ARPC3: variants seen among roughly 807,000 people sequenced by gnomAD.
ARPC3 encodes the protein actin related protein 2/3 complex subunit 3.
A neutral mutation model predicts 27.6 loss-of-function variants in ARPC3; 12 were observed. The observed-to-expected ratio is 0.43, with a 90% CI of 0.28 to 0.70. The LOEUF (loss-of-function observed/expected upper bound fraction) is 0.70, where lower values mean the gene tolerates loss of function less well. Among genes scored for constraint, ARPC3 ranks in the 30% least tolerant of loss-of-function variants. The pLI, the probability that ARPC3 is intolerant of heterozygous loss-of-function variation, is 0.17. For missense variants in ARPC3, 153 were observed against 207.7 expected (o/e 0.74, Z 1.62); for synonymous variants, 53 against 67.2 (o/e 0.79, Z 1.03).
Position 110,436,645 on chromosome 12 carries a change from C to T in ARPC3, c.291G>A (p.Thr97=), listed in dbSNP as rs374261283. The change falls in exon 5 of 7, where the codon ACG becomes ACA. Residue 97 remains threonine (T), a synonymous_variant. Coordinates refer to ENST00000228825, the MANE Select transcript of ARPC3 (RefSeq NM_001278556.2). The stretch of plus-strand genomic sequence containing the variant: ...GAATGGGAAAATTAGTGATTCCCAG[C>T]GTATACATTTCTTTCTCACCTTGGC... ...SKSQGEKEMY[T]LGITNFPIPG... 73 of 1,587,160 alleles carry T rather than the reference C, an allele frequency of 4.6e-5. No individual in the cohort carries two copies. Among genetic ancestry groups the T allele is most frequent in the Non-Finnish European group, 5.5e-5 (64 of 1,165,580 alleles).
intron 3 of ARPC3, among the ~76,000 whole-genome samples, chr12:110,438,558 CAT>C (rs1199842684): frequency 6.6e-6 from 1 of 151,060 alleles, no homozygotes; most frequent in Non-Finnish European, 1.5e-5. Context: ...GAGATCACGC[CAT>C]TGCACTCCAG....
chr12:110,450,315 G>A lies in ARPC3; in HGVS notation c.-55C>T, dbSNP rs141812028. The stretch of plus-strand genomic sequence containing the variant: ...GAGCAGGATCCAGGTACAGCGGAGC[G>A]CTTCCGGTCTGGCAGCCTGGGCGAG... On this transcript the variant is annotated 5_prime_UTR_variant, in exon 1 of 7. Coordinates refer to ENST00000228825, the MANE Select transcript of ARPC3 (RefSeq NM_001278556.2). 1.2e-4 allele frequency: 187 copies of A among 1,612,956 alleles called. No homozygotes were observed. The African/African-American group carries it at 2.1e-3, about 18-fold the overall frequency.
chr12:110,448,652 CA>C (rs34460720), intron 1 of ARPC3, among the ~76,000 whole-genome samples: 1,298 of 114,978 alleles, frequency 0.011, 3 homozygotes, highest in Middle Eastern at 0.019. Context: ...CACCCTGTCT[CA>C]AAAAAAAAAA....
chr12:110,447,823 A>G (rs554972341), intron 1 of ARPC3, among the ~76,000 whole-genome samples: 1 of 147,652 alleles, frequency 6.8e-6, no homozygotes, highest in East Asian at 2.0e-4. Context: ...AACAAACAAA[A>G]CCCAACAGAG....
intron 3 of ARPC3, 124 bp downstream of exon 3, chr12:110,440,187 TG>T (rs2062427960): frequency 1.4e-6 from 1 of 720,064 alleles, no homozygotes; most frequent in East Asian, 2.7e-5. Flanking sequence ...CATTAAGCAC[TG>T]CTCTCGAATT....
intron 3 of ARPC3, among the ~76,000 whole-genome samples, chr12:110,438,047 G>A (rs772899601): frequency 1.6e-4 from 24 of 152,092 alleles, no homozygotes; most frequent in Non-Finnish European, 2.5e-4. Context: ...TGTAATCCCA[G>A]CACTTTGGGA....
rs568220801 is a variant in ARPC3 at position 110,445,970 on chromosome 12, G to A, written c.7-419C>T. ...ATATAAAAAATTAGCCAGGCGTGGCGGCGTGCGCCTGTAGTCCCAGCCATG... is the reference window on the plus strand; with the variant it reads ...ATATAAAAAATTAGCCAGGCGTGGCAGCGTGCGCCTGTAGTCCCAGCCATG... On this transcript the variant is annotated intron_variant, in intron 1 of 6. Transcript: ENST00000228825. Among the ~76,000 whole-genome samples, 4 of 151,976 alleles carry A rather than the reference G, an allele frequency of 2.6e-5. No homozygotes were observed. In the South Asian group the frequency reaches 8.3e-4, roughly 32 times the overall value.
chr12:110,436,635 T>A lies in ARPC3; in HGVS notation c.301A>T (p.Thr101Ser). 1 of 1,612,248 alleles carries A rather than the reference T, an allele frequency of 6.2e-7. No individual in the cohort carries two copies. Among genetic ancestry groups the A allele is most frequent in the Non-Finnish European group, 8.5e-7 (1 of 1,179,636 alleles). The change falls in exon 5 of 7, where the codon ACT becomes TCT. Residue 101 changes from threonine to serine, a missense_variant. Thr to Ser is a moderately conservative substitution (Grantham distance 58). Coordinates refer to ENST00000228825, the MANE Select transcript of ARPC3 (RefSeq NM_001278556.2). Reference sequence around the variant, plus strand: ...GGCTCTCCAGGAATGGGAAAATTAGTGATTCCCAGCGTATACATTTCTTTC... The same window carrying A: ...GGCTCTCCAGGAATGGGAAAATTAGAGATTCCCAGCGTATACATTTCTTTC... ...GEKEMYTLGI[T>S]NFPIPGEPGF...
chr12:110,444,124 C>T (rs2062452262), intron 2 of ARPC3, among the ~76,000 whole-genome samples: 2 of 151,912 alleles, frequency 1.3e-5, no homozygotes, highest in Admixed American at 1.3e-4. Context: ...CATGCGCCAC[C>T]ATGCCCGGCT....
At chr12:110,440,556 T>G (rs2062429723) in intron 2 of ARPC3, 168 bp from the exon 3 acceptor site, 2 of 607,688 alleles carry the variant, frequency 3.3e-6, no homozygotes, top group Admixed American at 2.8e-5. Context: ...ATTTATTTGT[T>G]TTTTTTTTGA....
chr12:110,437,256 G>A (rs2062411609), intron 3 of ARPC3, 104 bp from the exon 4 acceptor site: 2 of 804,684 alleles, frequency 2.5e-6, no homozygotes, highest in East Asian at 2.5e-5. Context: ...TGAATGCAGT[G>A]GTAGGACAGC....
At chr12:110,435,263 A>T in intron 6 of ARPC3, 46 bp from the exon 7 acceptor site, 6 of 1,392,802 alleles carry the variant, frequency 4.3e-6, no homozygotes, top group Non-Finnish European at 6.1e-6. Context: ...GTCAAATTAC[A>T]ATAGAATTTG....
At chr12:110,448,316 G>A (rs1004334264) in intron 1 of ARPC3, among the ~76,000 whole-genome samples, 5 of 152,104 alleles carry the variant, frequency 3.3e-5, no homozygotes, top group Non-Finnish European at 5.9e-5. Context: ...AGGATTAGAT[G>A]GGATAATTTA....
intron 2 of ARPC3, chr12:110,442,665 A>G (rs2062444388): frequency 6.6e-6 from 1 of 151,878 alleles, no homozygotes; most frequent in Non-Finnish European, 1.5e-5. Flanking sequence ...ATTCAATATA[A>G]TTTTATTTGA....
At chr12:110,445,909 G>A (rs1191119715) in intron 1 of ARPC3, among the ~76,000 whole-genome samples, 1 of 152,056 alleles carries the variant, frequency 6.6e-6, no homozygotes, top group Non-Finnish European at 1.5e-5. Context: ...TTTGCAACCA[G>A]CCTGGGCAAC....
intron 3 of ARPC3, among the ~76,000 whole-genome samples, chr12:110,438,336 A>G (rs1345618141): frequency 6.7e-6 from 1 of 148,840 alleles, no homozygotes; most frequent in African/African-American, 2.5e-5. Context: ...GCGGTGGCCC[A>G]CACCTGTAAT....
intron 2 of ARPC3, among the ~76,000 whole-genome samples, chr12:110,441,237 A>G (rs1280346358): frequency 6.6e-6 from 1 of 151,268 alleles, no homozygotes. Context: ...GGTTCAAGCG[A>G]TTCTCCTGCC....
chr12:110,446,906 A>G (rs1163752898), intron 1 of ARPC3, among the ~76,000 whole-genome samples: 1 of 152,142 alleles, frequency 6.6e-6, no homozygotes, highest in African/African-American at 2.4e-5. Flanking sequence ...TGCACCCGGC[A>G]ATAACCTAAT....
chr12:110,438,928 C>T (rs929119970), intron 3 of ARPC3, among the ~76,000 whole-genome samples: 1 of 151,938 alleles, frequency 6.6e-6, no homozygotes, highest in Non-Finnish European at 1.5e-5. Flanking sequence ...GCACTGCGCC[C>T]AGCCACATTT....
Sources: gnomAD v4.1 joint callset for allele counts (sites outside exome capture counted in the v4.1 genomes callset) on GRCh38, gnomAD v4.1.1 for gene constraint, MANE v1.5 for transcripts, NCBI Gene and HGNC (gene_info 2026-07-23, HGNC 2026-07-21) for gene names.